Variants in ABTB2 observed in about 807,000 individuals in gnomAD.
ABTB2 encodes the protein ankyrin repeat and BTB domain containing 2, also known as ankyrin repeat and BTB/POZ domain-containing protein 2.
In ABTB2, 56 loss-of-function variants were observed where a neutral mutation model predicts 104.1. That is an observed-to-expected ratio of 0.54 (90% CI 0.43 to 0.67). The LOEUF (loss-of-function observed/expected upper bound fraction) is 0.67. ABTB2 is among the 30% of genes least tolerant of loss of function. The pLI is 0.00. For missense variants in ABTB2, 1,279 were observed against 1,407.7 expected (o/e 0.91, Z 1.46); for synonymous variants, 606 against 608.2 (o/e 1.00, Z 0.05).
chr11:34,297,033 C>T, intron 1 of ABTB2, among the ~76,000 whole-genome samples: 1 of 152,168 alleles, frequency 6.6e-6, no homozygotes. Flanking sequence ...ACAAGTGAGG[C>T]TTTTATTTAT....
At chr11:34,254,336 C>G (rs1854093850) in intron 1 of ABTB2, among the ~76,000 whole-genome samples, 1 of 152,106 alleles carries the variant, frequency 6.6e-6, no homozygotes, top group East Asian at 1.9e-4. Flanking sequence ...CAGCCTCAAC[C>G]TCCCAGGCTT....
intron 1 of ABTB2, among the ~76,000 whole-genome samples, chr11:34,243,450 T>C (rs1853946616): frequency 6.6e-6 from 1 of 152,120 alleles, no homozygotes; most frequent in Non-Finnish European, 1.5e-5. Flanking sequence ...GGCAAATCTC[T>C]TAACCCTACT....
chr11:34,162,517 T>G, intron 10 of ABTB2, 59 bp downstream of exon 10: 1 of 1,544,566 alleles, frequency 6.5e-7, no homozygotes, highest in Non-Finnish European at 8.8e-7. Context: ...CAGCAGGGAG[T>G]GACCGTGTGT....
chr11:34,159,058 A>G (rs1290152265), intron 14 of ABTB2, among the ~76,000 whole-genome samples: 1 of 152,228 alleles, frequency 6.6e-6, no homozygotes, highest in East Asian at 1.9e-4. Context: ...CAGGCTGCCC[A>G]GACCACCTGT....
At chr11:34,216,319 C>T (rs994012354) in intron 1 of ABTB2, among the ~76,000 whole-genome samples, 1 of 152,174 alleles carries the variant, frequency 6.6e-6, no homozygotes, top group Admixed American at 6.5e-5. Context: ...CTGTGCTCTG[C>T]CTATTCATCC....
chr11:34,341,177 G>T (rs541106879), intron 1 of ABTB2, among the ~76,000 whole-genome samples: 12 of 152,268 alleles, frequency 7.9e-5, no homozygotes, highest in African/African-American at 2.2e-4. Flanking sequence ...TGTTTAAATA[G>T]TCACATCATC....
intron 1 of ABTB2, among the ~76,000 whole-genome samples, chr11:34,336,651 A>C (rs948558564): frequency 7.2e-5 from 11 of 151,996 alleles, no homozygotes; most frequent in Admixed American, 1.3e-4. Flanking sequence ...TCAAAAAAAA[A>C]CAAAACAAAC....
intron 1 of ABTB2, among the ~76,000 whole-genome samples, chr11:34,333,993 A>G (rs1197537160): frequency 1.4e-5 from 2 of 146,908 alleles, no homozygotes; most frequent in Non-Finnish European, 3.0e-5. Context: ...TCCCCTTTCC[A>G]CTAAGGGAAG....
chr11:34,240,411 A>C (rs1188761769), intron 1 of ABTB2, among the ~76,000 whole-genome samples: 1 of 152,140 alleles, frequency 6.6e-6, no homozygotes, highest in African/African-American at 2.4e-5. Context: ...TGGGGCCCCC[A>C]AGAAACGGCT....
At chr11:34,270,582 C>T (rs577258241) in intron 1 of ABTB2, among the ~76,000 whole-genome samples, 20 of 152,264 alleles carry the variant, frequency 1.3e-4, no homozygotes, top group Admixed American at 9.1e-4. Context: ...TCAGGTGATC[C>T]GCCCGCCTCA....
At chr11:34,219,487 G>A (rs570403204) in intron 1 of ABTB2, among the ~76,000 whole-genome samples, 12 of 152,062 alleles carry the variant, frequency 7.9e-5, no homozygotes, top group South Asian at 2.1e-4. Flanking sequence ...AGGCTACAGT[G>A]AGCCACAATC....
intron 1 of ABTB2, among the ~76,000 whole-genome samples, chr11:34,263,016 T>TG (rs1854207389): frequency 6.6e-6 from 1 of 152,162 alleles, no homozygotes; most frequent in Non-Finnish European, 1.5e-5. Flanking sequence ...CAGATTTGTT[T>TG]TGAACTGAGC....
intron 1 of ABTB2, among the ~76,000 whole-genome samples, chr11:34,261,978 T>C (rs1044288994): frequency 1.3e-5 from 2 of 152,202 alleles, no homozygotes; most frequent in Non-Finnish European, 2.9e-5. Context: ...CTGGTTTTCA[T>C]AGAGGCCTTC....
chr11:34,173,925 T>C (rs1257747058), intron 3 of ABTB2, among the ~76,000 whole-genome samples: 1 of 152,124 alleles, frequency 6.6e-6, no homozygotes, highest in Non-Finnish European at 1.5e-5. Flanking sequence ...TGATGCATAT[T>C]AGGCTGTTGT....
chr11:34,254,437 A>AGAG (rs1331189799), intron 1 of ABTB2, among the ~76,000 whole-genome samples: 1 of 151,424 alleles, frequency 6.6e-6, no homozygotes, highest in African/African-American at 2.4e-5. Context: ...CTTTTTTTGT[A>AGAG]GAGAGGAAGT....
chr11:34,349,603 T>C (rs1855374545), intron 1 of ABTB2, among the ~76,000 whole-genome samples: 1 of 152,190 alleles, frequency 6.6e-6, no homozygotes, highest in Non-Finnish European at 1.5e-5. Context: ...TAACACAAAG[T>C]CCCTCACAGG....
chr11:34,157,316 A>G (rs758644005), intron 14 of ABTB2, among the ~76,000 whole-genome samples: 8 of 152,216 alleles, frequency 5.3e-5, no homozygotes, highest in Non-Finnish European at 1.0e-4. Flanking sequence ...GGCCCAGGGG[A>G]AGGCATGTGT....
intron 1 of ABTB2, among the ~76,000 whole-genome samples, chr11:34,303,350 C>T (rs1180714546): frequency 6.6e-6 from 1 of 152,212 alleles, no homozygotes; most frequent in African/African-American, 2.4e-5. Context: ...TTTTTATTAA[C>T]CAGTCAAGCA....
intron 4 of ABTB2, among the ~76,000 whole-genome samples, chr11:34,172,358 T>TG (rs1852885190): frequency 9.8e-6 from 1 of 101,636 alleles, no homozygotes; most frequent in African/African-American, 4.0e-5. Context: ...GGCAACAGAG[T>TG]GAAACTCTGT....
Sources: gnomAD v4.1 joint callset for allele counts (sites outside exome capture counted in the v4.1 genomes callset) on GRCh38, gnomAD v4.1.1 for gene constraint, MANE v1.5 for transcripts, NCBI Gene and HGNC (gene_info 2026-07-23, HGNC 2026-07-21) for gene names.